The following DOCK2 variants were observed in gnomAD, a reference collection of about 807,000 sequenced individuals.
DOCK2 encodes dedicator of cytokinesis protein 2.
Under a neutral mutation model 248.9 loss-of-function variants are expected in DOCK2, and 87 were observed. The ratio of observed to expected loss-of-function variants is 0.35; its 90% CI spans 0.29 to 0.42. The LOEUF (loss-of-function observed/expected upper bound fraction) is 0.42, where lower values mean the gene tolerates loss of function less well. Ranked by LOEUF, DOCK2 falls within the 10% of genes least tolerant of loss-of-function variation. The probability of loss-of-function intolerance (pLI) is 1.00; values close to 1 mark genes in which losing one functional copy is unlikely to be tolerated. For synonymous variants in DOCK2, 805 were observed against 821.6 expected (o/e 0.98, Z 0.35); for missense variants, 1,747 against 2,300.2 (o/e 0.76, Z 4.92).
At chr5:169,685,392 C>G (rs1042400794) in intron 8 of DOCK2, among the ~76,000 whole-genome samples, 3 of 152,222 alleles carry the variant, frequency 2.0e-5, no homozygotes, top group Non-Finnish European at 4.4e-5. Context: ...CTGGCCTCTA[C>G]TTGTGGCTTA....
At chr5:169,666,208 G>A (rs1364135759) in intron 2 of DOCK2, among the ~76,000 whole-genome samples, 2 of 152,056 alleles carry the variant, frequency 1.3e-5, no homozygotes, top group Non-Finnish European at 2.9e-5. Context: ...AAGAGAGAGG[G>A]AGCAAACTCT....
At chr5:169,861,910 T>C (rs1771221874) in intron 27 of DOCK2, among the ~76,000 whole-genome samples, 1 of 151,476 alleles carries the variant, frequency 6.6e-6, no homozygotes, top group Non-Finnish European at 1.5e-5. Context: ...GTCAACATTT[T>C]ATTTATTTTT....
At chr5:170,020,910 T>C (rs1581532860) in intron 33 of DOCK2, among the ~76,000 whole-genome samples, 1 of 152,348 alleles carries the variant, frequency 6.6e-6, no homozygotes, top group African/African-American at 2.4e-5. Context: ...CAGTGCATAT[T>C]AATAGAGTCA....
intron 27 of DOCK2, among the ~76,000 whole-genome samples, chr5:169,964,446 A>AG (rs1418013993): frequency 1.3e-5 from 2 of 152,218 alleles, no homozygotes; most frequent in African/African-American, 2.4e-5. Flanking sequence ...GAGGCCTGGG[A>AG]GGGGGCAGCT....
At chr5:169,719,998 C>T (rs546162062) in intron 22 of DOCK2, among the ~76,000 whole-genome samples, 3 of 151,998 alleles carry the variant, frequency 2.0e-5, no homozygotes, top group South Asian at 4.2e-4. Context: ...TTTGACAGTG[C>T]ATCTGAAACA....
intron 41 of DOCK2, among the ~76,000 whole-genome samples, chr5:170,053,911 G>A (rs993409015): frequency 6.6e-6 from 1 of 152,210 alleles, no homozygotes; most frequent in African/African-American, 2.4e-5. Flanking sequence ...TGGGCAGGAT[G>A]GAGGGTGTGA....
At chr5:169,921,102 T>C (rs759357558) in intron 27 of DOCK2, among the ~76,000 whole-genome samples, 1 of 152,160 alleles carries the variant, frequency 6.6e-6, no homozygotes, top group Non-Finnish European at 1.5e-5. Flanking sequence ...TTTGCTTCCA[T>C]AAGGGAAAAG....
chr5:169,698,731 A>G (rs1302322089), intron 11 of DOCK2, among the ~76,000 whole-genome samples: 4 of 152,250 alleles, frequency 2.6e-5, no homozygotes, highest in Non-Finnish European at 5.9e-5. Context: ...AGTGAACAAG[A>G]TGGGCCCTGT....
At chr5:169,755,906 T>C (rs6555875) in intron 23 of DOCK2, among the ~76,000 whole-genome samples, 20,664 of 152,134 alleles carry the variant, frequency 0.14, 2,351 homozygotes, top group Admixed American at 0.29. Flanking sequence ...TTGCCTGTTG[T>C]CACCTGCCCC....
intron 22 of DOCK2, among the ~76,000 whole-genome samples, chr5:169,719,720 T>G (rs1241330309): frequency 6.6e-6 from 1 of 152,176 alleles, no homozygotes; most frequent in Non-Finnish European, 1.5e-5. Flanking sequence ...ATTCTACCAG[T>G]GGAAGCAACT....
intron 2 of DOCK2, among the ~76,000 whole-genome samples, chr5:169,668,636 G>T (rs920535300): frequency 6.6e-6 from 1 of 152,162 alleles, no homozygotes; most frequent in Non-Finnish European, 1.5e-5. Flanking sequence ...CTGCACTCAG[G>T]CGTATTTTGT....
intron 27 of DOCK2, among the ~76,000 whole-genome samples, chr5:169,945,976 C>G (rs1306787090): frequency 6.6e-6 from 1 of 152,188 alleles, no homozygotes; most frequent in Non-Finnish European, 1.5e-5. Flanking sequence ...CAGGCTCCAG[C>G]CCTGGTGCAA....
In DOCK2 at chr5:170,008,600, A is replaced by T; in HGVS notation, c.3173+3A>T. Reference sequence around the variant, plus strand: ...AAATACAACAAAATCCTGAATAAGTAGGTTGCATTTTTGGATTTCCTGAAG... The same window carrying T: ...AAATACAACAAAATCCTGAATAAGTTGGTTGCATTTTTGGATTTCCTGAAG... On this transcript the variant is annotated splice_donor_region_variant and intron_variant, in intron 31 of 51. Transcript: ENST00000520908. 1 of 1,614,146 alleles carries T rather than the reference A, an allele frequency of 6.2e-7. No individual in the cohort carries two copies. The highest frequency in any genetic ancestry group is 8.5e-7 in the Non-Finnish European group (1 of 1,179,990).
chr5:169,638,575 G>T (rs1223990063), intron 1 of DOCK2, among the ~76,000 whole-genome samples: 1 of 152,170 alleles, frequency 6.6e-6, no homozygotes, highest in African/African-American at 2.4e-5. Flanking sequence ...ATGGGGTTAT[G>T]CATGGAAAGC....
intron 14 of DOCK2, among the ~76,000 whole-genome samples, chr5:169,703,415 C>T (rs1761088290): frequency 6.6e-6 from 1 of 152,140 alleles, no homozygotes; most frequent in Non-Finnish European, 1.5e-5. Flanking sequence ...GAAACAAAAC[C>T]CGTGTCACTT....
chr5:169,832,373 G>T (rs1347771517), intron 26 of DOCK2, among the ~76,000 whole-genome samples: 1 of 152,180 alleles, frequency 6.6e-6, no homozygotes, highest in Non-Finnish European at 1.5e-5. Flanking sequence ...TGAAAGCATT[G>T]CCCAAGTCCC....
rs143253366 is a variant in DOCK2, at chr5:169,638,079, G to A, written c.43+710G>A. On this transcript the variant is annotated intron_variant, in intron 1 of 51. Coordinates refer to ENST00000520908, the MANE Select transcript of DOCK2 (RefSeq NM_004946.3). Reference sequence around the variant, plus strand: ...GAGGCCTCAGGTGCTGCTACTCTAAGTGTCATCCGTGGTGCAATCTCCATG... The same window carrying A: ...GAGGCCTCAGGTGCTGCTACTCTAAATGTCATCCGTGGTGCAATCTCCATG... Among the ~76,000 whole-genome samples the A allele has an allele frequency of 3.4e-3, 520 of 152,306 alleles. 4 individuals carry two copies. The highest frequency in any genetic ancestry group is 0.012 in the African/African-American group (498 of 41,558).
At chr5:170,056,158 G>C (rs1757123958) in intron 42 of DOCK2, among the ~76,000 whole-genome samples, 1 of 152,224 alleles carries the variant, frequency 6.6e-6, no homozygotes, top group African/African-American at 2.4e-5. Context: ...GTGGAGCTCA[G>C]CTTGGGTCTT....
rs561639299 is a variant in DOCK2 at position 169,839,405 on chromosome 5, A to G, written c.2704-1352A>G. ...GAGAGAATTGAGGCTCAGAGAAGTG[A>G]TAAGTGAGGTTGCACACCTGGCAAA... On this transcript the variant is annotated intron_variant, in intron 26 of 51. Coordinates refer to ENST00000520908, the MANE Select transcript of DOCK2 (RefSeq NM_004946.3). Among the ~76,000 whole-genome samples the G allele has an allele frequency of 1.5e-4, 23 of 152,298 alleles. No homozygotes were observed. The South Asian group carries it at 4.4e-3, about 29-fold the overall frequency.
Sources: allele counts gnomAD v4.1 joint callset (sites outside exome capture counted in the v4.1 genomes callset), GRCh38; gene constraint gnomAD v4.1.1; transcripts MANE v1.5; gene names NCBI Gene and HGNC (gene_info 2026-07-23, HGNC 2026-07-21).